Variants in NRXN1 observed in about 807,000 individuals in gnomAD.
The protein encoded by NRXN1 is neurexin-1.
NRXN1 carries 39 observed loss-of-function variants against 150.9 expected under a neutral mutation model. The ratio of observed to expected loss-of-function variants is 0.26; its 90% CI spans 0.20 to 0.34. The LOEUF is 0.34. Ranked by LOEUF, NRXN1 falls within the 10% of genes least tolerant of loss-of-function variation. NRXN1 has a pLI of 1.00. For missense variants in NRXN1, 1,815 were observed against 1,949.9 expected (o/e 0.93, Z 1.30); for synonymous variants, 924 against 757.0 (o/e 1.22, Z -3.62).
chr2:50,349,956 G>A (rs919034018), intron 17 of NRXN1, among the ~76,000 whole-genome samples: 3 of 152,138 alleles, frequency 2.0e-5, no homozygotes, highest in African/African-American at 7.2e-5. Flanking sequence ...ACTTCCTCTA[G>A]TGTCCAGCAT....
chr2:50,107,257 T>TAAAAAAAAA (rs3046682), intron 18 of NRXN1, among the ~76,000 whole-genome samples: 1 of 143,848 alleles, frequency 7.0e-6, no homozygotes, highest in Non-Finnish European at 1.5e-5. Flanking sequence ...TCTGATACAT[T>TAAAAAAAAA]AAAAAAAAAA....
chr2:49,976,833 C>G (rs1193022072), intron 21 of NRXN1, among the ~76,000 whole-genome samples: 1 of 152,110 alleles, frequency 6.6e-6, no homozygotes, highest in East Asian at 1.9e-4. Context: ...ATGTAAAAGG[C>G]TGAGAAGTAA....
intron 15 of NRXN1, among the ~76,000 whole-genome samples, chr2:50,483,153 T>C (rs1256145021): frequency 6.6e-6 from 1 of 151,590 alleles, no homozygotes; most frequent in African/African-American, 2.4e-5. Context: ...CTAATTATAA[T>C]TTATTAGCTT....
At chr2:50,853,481 T>C (rs1674810773) in intron 5 of NRXN1, among the ~76,000 whole-genome samples, 1 of 152,102 alleles carries the variant, frequency 6.6e-6, no homozygotes, top group Non-Finnish European at 1.5e-5. Context: ...TGAAATATGG[T>C]TTATTAGAAG....
At chr2:50,006,131 G>A (rs1289258503) in intron 21 of NRXN1, among the ~76,000 whole-genome samples, 2 of 151,944 alleles carry the variant, frequency 1.3e-5, no homozygotes, top group African/African-American at 2.4e-5. Flanking sequence ...TTTCTCTTTG[G>A]TATCTCTTCT....
intron 17 of NRXN1, among the ~76,000 whole-genome samples, chr2:50,295,789 T>C (rs2073490537): frequency 6.6e-6 from 1 of 152,144 alleles, no homozygotes; most frequent in Non-Finnish European, 1.5e-5. Flanking sequence ...CATAAGGGAA[T>C]TTCTCACAAA....
chr2:50,366,696 T>C (rs2079607369), intron 17 of NRXN1, among the ~76,000 whole-genome samples: 1 of 151,964 alleles, frequency 6.6e-6, no homozygotes, highest in Non-Finnish European at 1.5e-5. Flanking sequence ...CACCCCACTA[T>C]TTTTTGCCAT....
chr2:50,397,692 C>T (rs1213095285), intron 17 of NRXN1, among the ~76,000 whole-genome samples: 18 of 152,056 alleles, frequency 1.2e-4, no homozygotes, highest in Non-Finnish European at 1.5e-5. Context: ...TGTTTTCTGG[C>T]TACTGTCAGT....
At chr2:50,748,308 T>A (rs1700226500) in intron 5 of NRXN1, among the ~76,000 whole-genome samples, 1 of 152,156 alleles carries the variant, frequency 6.6e-6, no homozygotes, top group South Asian at 2.1e-4. Flanking sequence ...GCAGCACTGA[T>A]AAGGTTAAAT....
chr2:50,153,078 C>A (rs2058788773), intron 18 of NRXN1, among the ~76,000 whole-genome samples: 1 of 151,696 alleles, frequency 6.6e-6, no homozygotes, highest in Non-Finnish European at 1.5e-5. Flanking sequence ...GACCTATCTT[C>A]AAGCTCAGTA....
In NRXN1 at chr2:50,053,021, G is replaced by A. The variant is rs80048714; in HGVS notation, c.4128+250C>T. 8.3e-3 allele frequency among the ~76,000 whole-genome samples: 1,264 copies of A among 152,162 alleles called. 11 individuals carry two copies. The highest frequency in any genetic ancestry group is 0.028 in the African/African-American group (1,159 of 41,508). On this transcript the variant is annotated intron_variant, in intron 21 of 22. Transcript: ENST00000401669. ...CAGCTTGGGCCAGAGGAGGGTTATG[G>A]AATCAAGACTATCATTTAGCATCTA...
intron 7 of NRXN1, 183 bp downstream of exon 7, chr2:50,621,043 G>A: frequency 1.9e-6 from 1 of 537,214 alleles, no homozygotes. Context: ...GACAGGAACA[G>A]GTAAAAAATA....
In NRXN1 at chr2:50,235,140, C is replaced by T. The variant is rs140698238; in HGVS notation, c.3546+1649G>A. 3.9e-4 allele frequency among the ~76,000 whole-genome samples: 60 copies of T among 152,072 alleles called. 1 individual carries two copies. The highest frequency in any genetic ancestry group is 1.4e-3 in the African/African-American group (59 of 41,504). On this transcript the variant is annotated intron_variant, in intron 18 of 22. Coordinates refer to ENST00000401669, the MANE Select transcript of NRXN1 (RefSeq NM_001330078.2). ...TAATTTATTTTAGAAGGAAAAGGCC[C>T]TTGTTTTCATTTTTATTTATTTATT...
chr2:50,367,078 T>C (rs966946065), intron 17 of NRXN1, among the ~76,000 whole-genome samples: 12 of 151,990 alleles, frequency 7.9e-5, no homozygotes, highest in African/African-American at 2.7e-4. Flanking sequence ...GTAGGGAACA[T>C]ATTATTTGCT....
chr2:50,027,978 G>T (rs1688610984), intron 21 of NRXN1, among the ~76,000 whole-genome samples: 1 of 152,000 alleles, frequency 6.6e-6, no homozygotes, highest in African/African-American at 2.4e-5. Flanking sequence ...TTTGTGTTTA[G>T]ATCCTTTGTA....
rs1477010876 is a variant in NRXN1 at position 50,507,621 on chromosome 2, C to T, written c.2375-1004G>A. Among the ~76,000 whole-genome samples the T allele has an allele frequency of 3.8e-5, 4 of 105,384 alleles. No individual in the cohort carries two copies. In the Admixed American group the frequency reaches 5.1e-4, roughly 13 times the overall value. 69.1% of individuals were successfully genotyped at this position (105,384 alleles called of 152,430 possible). A position where few individuals can be genotyped will look rare whatever the true frequency, so the allele number is the denominator to read the frequency against. ...AAATTATTGAAATGATTAAGTTAGA[C>T]TATATCCGTCACCTCAAAAAAAAAA... On this transcript the variant is annotated intron_variant, in intron 12 of 22. Transcript: ENST00000401669.
In NRXN1 at chr2:50,268,816, G is replaced by C. The variant is rs867376529; in HGVS notation, c.3365-31846C>G. 6.6e-5 allele frequency among the ~76,000 whole-genome samples: 10 copies of C among 152,270 alleles called. No homozygotes were observed. The South Asian group carries it at 1.4e-3, about 22-fold the overall frequency. ...CCAGATTCTTTATCTAGGCCACATAGCTTCTAGCCAATTACTTGACAAAGC... is the reference window on the plus strand; with the variant it reads ...CCAGATTCTTTATCTAGGCCACATACCTTCTAGCCAATTACTTGACAAAGC... On this transcript the variant is annotated intron_variant, in intron 17 of 22. Transcript: ENST00000401669.
intron 5 of NRXN1, among the ~76,000 whole-genome samples, chr2:50,625,812 C>T (rs1466570610): frequency 6.6e-6 from 1 of 152,028 alleles, no homozygotes; most frequent in Non-Finnish European, 1.5e-5. Context: ...GAGATAATGT[C>T]TGTGCAGACA....
At chr2:50,456,734 T>C (rs2087600445) in intron 17 of NRXN1, among the ~76,000 whole-genome samples, 1 of 152,120 alleles carries the variant, frequency 6.6e-6, no homozygotes, top group Non-Finnish European at 1.5e-5. Flanking sequence ...GCCCTTGGTC[T>C]TCACTATTAA....
Sources: allele counts gnomAD v4.1 joint callset (sites outside exome capture counted in the v4.1 genomes callset), GRCh38; gene constraint gnomAD v4.1.1; transcripts MANE v1.5; gene names NCBI Gene and HGNC (gene_info 2026-07-23, HGNC 2026-07-21).